The following STK38 variants were observed in gnomAD, a reference collection of about 807,000 sequenced individuals.
STK38 encodes serine/threonine-protein kinase 38.
Under a neutral mutation model 59.0 loss-of-function variants are expected in STK38, and 26 were observed. The observed-to-expected ratio is 0.44, with a 90% confidence interval of 0.32 to 0.61. The LOEUF (loss-of-function observed/expected upper bound fraction) is 0.61. STK38 is among the 20% of genes least tolerant of loss of function. The pLI is 0.04. For missense variants in STK38, 433 were observed against 566.0 expected (o/e 0.76, Z 2.38); for synonymous variants, 175 against 176.6 (o/e 0.99, Z 0.07).
intron 2 of STK38, among the ~76,000 whole-genome samples, 177 bp downstream of exon 2, chr6:36,539,895 T>C (rs1268831679): frequency 1.3e-5 from 2 of 152,046 alleles, no homozygotes; most frequent in African/African-American, 2.4e-5. Context: ...TATTGACTTG[T>C]AGGCATAAGT....
At chr6:36,527,206 A>AT (rs1561986848) in intron 2 of STK38, among the ~76,000 whole-genome samples, 3,048 of 125,792 alleles carry the variant, frequency 0.024, 178 homozygotes, top group African/African-American at 0.049. Flanking sequence ...AAAAAAAAAA[A>AT]AATATATGTA....
intron 1 of STK38, 71 bp from the exon 2 acceptor site, chr6:36,540,278 A>C: frequency 7.0e-7 from 1 of 1,438,216 alleles, no homozygotes; most frequent in Non-Finnish European, 9.5e-7. Context: ...CTCCTACCCT[A>C]TTGGTAGGAA....
intron 2 of STK38, among the ~76,000 whole-genome samples, chr6:36,531,818 T>C (rs1452866837): frequency 6.6e-6 from 1 of 152,220 alleles, no homozygotes; most frequent in Non-Finnish European, 1.5e-5. Flanking sequence ...CCCAAATGAA[T>C]TTTATTCTTT....
At chr6:36,502,929 C>T (rs1051120388) in intron 9 of STK38, among the ~76,000 whole-genome samples, 28 of 152,214 alleles carry the variant, frequency 1.8e-4, no homozygotes, top group African/African-American at 6.5e-4. Context: ...TTGATTCACA[C>T]TGTCACAAGT....
intron 13 of STK38, 58 bp from the exon 14 acceptor site, chr6:36,495,972 A>C: frequency 6.2e-7 from 1 of 1,601,528 alleles, no homozygotes; most frequent in South Asian, 1.1e-5. Context: ...TGGACTGCTC[A>C]CGGTGCTGAA....
rs187692002 is a variant in STK38 at position 36,504,181 on chromosome 6, T to C, written c.834+2402A>G. On this transcript the variant is annotated intron_variant, in intron 9 of 13. Transcript: ENST00000229812. ...CCCTAAAAAATTAAACTGACCAAGA[T>C]TGGATGCCTATGTGTCTATTACCTT... Among the ~76,000 whole-genome samples the C allele has an allele frequency of 1.6e-4, 24 of 152,362 alleles. No individual in the cohort carries two copies. In the East Asian group the frequency reaches 4.4e-3, roughly 28 times the overall value.
chr6:36,537,686 C>T (rs1432310523), intron 2 of STK38, among the ~76,000 whole-genome samples: 12 of 151,834 alleles, frequency 7.9e-5, no homozygotes, highest in African/African-American at 2.9e-4. Flanking sequence ...TCACTTGAAC[C>T]CCGGAGTTCG....
Position 36,512,939 on chromosome 6 carries a change from C to T in STK38, c.669+2399G>A, listed in dbSNP as rs57530287. Among the ~76,000 whole-genome samples the T allele has an allele frequency of 5.0e-3, 758 of 152,014 alleles. 6 individuals carry two copies. The highest frequency in any genetic ancestry group is 0.016 in the African/African-American group (681 of 41,452). On this transcript the variant is annotated intron_variant, in intron 7 of 13. Transcript: ENST00000229812. The stretch of plus-strand genomic sequence containing the variant: ...CCTACCAAAGAGCTGGGATTACAGA[C>T]GTGGGCCACCGCGCCTGGCCAGCGT...
intron 2 of STK38, among the ~76,000 whole-genome samples, chr6:36,526,992 A>G (rs1777529845): frequency 6.6e-6 from 1 of 150,670 alleles, no homozygotes; most frequent in Non-Finnish European, 1.5e-5. Flanking sequence ...AGGAGTTCGA[A>G]ACCAGCCTGG....
At chr6:36,503,139 T>C (rs920169057) in intron 9 of STK38, among the ~76,000 whole-genome samples, 5 of 152,178 alleles carry the variant, frequency 3.3e-5, no homozygotes, top group African/African-American at 1.2e-4. Flanking sequence ...CGCTGTAGGG[T>C]GTACACATGA....
intron 2 of STK38, among the ~76,000 whole-genome samples, chr6:36,530,953 G>A (rs898258004): frequency 6.6e-6 from 1 of 152,070 alleles, no homozygotes; most frequent in Non-Finnish European, 1.5e-5. Flanking sequence ...GCCTCCCAAA[G>A]TGCTGGGATT....
At chr6:36,504,247 G>GT (rs957715263) in intron 9 of STK38, among the ~76,000 whole-genome samples, 3 of 152,164 alleles carry the variant, frequency 2.0e-5, no homozygotes, top group Non-Finnish European at 2.9e-5. Context: ...ATATTAATCA[G>GT]TTACTGGGGC....
chr6:36,507,638 AT>A (rs762943429), intron 7 of STK38, 36 bp from the exon 8 acceptor site: 1 of 1,505,070 alleles, frequency 6.6e-7, no homozygotes, highest in Admixed American at 1.7e-5. Flanking sequence ...ATGGATGAGT[AT>A]TCTTGGAGGT....
chr6:36,516,499 G>T (rs1386707239), intron 6 of STK38, among the ~76,000 whole-genome samples: 1 of 152,164 alleles, frequency 6.6e-6, no homozygotes, highest in Non-Finnish European at 1.5e-5. Context: ...AGAACATTAT[G>T]TTTTGTATTA....
At chr6:36,544,409 C>A (rs756990743) in intron 1 of STK38, among the ~76,000 whole-genome samples, 1 of 151,862 alleles carries the variant, frequency 6.6e-6, no homozygotes, top group Non-Finnish European at 1.5e-5. Flanking sequence ...AGCCTGTACC[C>A]CCCCCTCCAC....
rs568974816 is a variant in STK38, at chr6:36,515,235, G to A, written c.669+103C>T. 102 of 1,365,596 alleles carry A rather than the reference G, an allele frequency of 7.5e-5. No homozygotes were observed. In the East Asian group the frequency reaches 2.0e-3, roughly 27 times the overall value. 84.6% of individuals were successfully genotyped at this position (1,365,596 alleles called of 1,614,324 possible). A position where few individuals can be genotyped will look rare whatever the true frequency, so the allele number is the denominator to read the frequency against. On this transcript the variant is annotated intron_variant, in intron 7 of 13. Coordinates refer to ENST00000229812, the MANE Select transcript of STK38 (RefSeq NM_007271.4). ...AAAAAGGAAAATCATGACAAGGCAGGTCACAGCTCGCCCACTGGGATGACC... is the reference window on the plus strand; with the variant it reads ...AAAAAGGAAAATCATGACAAGGCAGATCACAGCTCGCCCACTGGGATGACC...
At chr6:36,501,168 GGTCTTT>G (rs1776828795) in intron 9 of STK38, among the ~76,000 whole-genome samples, 1 of 151,910 alleles carries the variant, frequency 6.6e-6, no homozygotes. Context: ...TGCCCAGACT[GGTCTTT>G]AACTCCTGGC....
At chr6:36,501,911 A>G (rs1776850307) in intron 9 of STK38, among the ~76,000 whole-genome samples, 1 of 152,186 alleles carries the variant, frequency 6.6e-6, no homozygotes, top group African/African-American at 2.4e-5. Flanking sequence ...TTCTTTTAAT[A>G]CCTTCTTGGG....
In STK38 at chr6:36,503,874, T is replaced by A. The variant is rs572999376; in HGVS notation, c.834+2709A>T. ...TTACCACACTTTTTACCACACCATC[T>A]GTACCAGGTGTGCCCTTTCCAATCT... On this transcript the variant is annotated intron_variant, in intron 9 of 13. Transcript: ENST00000229812. 2.0e-4 allele frequency among the ~76,000 whole-genome samples: 31 copies of A among 152,358 alleles called. No individual in the cohort carries two copies. In the South Asian group the frequency reaches 4.6e-3, roughly 22 times the overall value.
Sources: allele counts gnomAD v4.1 joint callset (sites outside exome capture counted in the v4.1 genomes callset), GRCh38; gene constraint gnomAD v4.1.1; transcripts MANE v1.5; gene names NCBI Gene and HGNC (gene_info 2026-07-23, HGNC 2026-07-21).